Variants in STARD3NL observed in about 807,000 individuals in gnomAD.
STARD3NL encodes the protein STARD3 N-terminal like, also known as STARD3 N-terminal-like protein.
Under a neutral mutation model 30.9 loss-of-function variants are expected in STARD3NL, and 17 were observed. The observed-to-expected ratio is 0.55, with a 90% CI of 0.38 to 0.82. The LOEUF (loss-of-function observed/expected upper bound fraction) is 0.82, where lower values mean the gene tolerates loss of function less well. Among genes scored for constraint, STARD3NL ranks in the 40% least tolerant of loss-of-function variants. The probability of loss-of-function intolerance (pLI) is 0.00; values close to 1 mark genes in which losing one functional copy is unlikely to be tolerated. For missense variants in STARD3NL, 234 were observed against 277.6 expected, an observed-to-expected ratio of 0.84 and a Z score of 1.12; for synonymous variants, 112 against 100.5, an observed-to-expected ratio of 1.11 and a Z score of -0.69.
In STARD3NL at chr7:38,188,046, T is replaced by C. The variant is rs549738793; in HGVS notation, c.-59+9626T>C. 5.9e-5 allele frequency among the ~76,000 whole-genome samples: 9 copies of C among 152,346 alleles called. No homozygotes were observed. In the South Asian group the frequency reaches 1.7e-3, roughly 28 times the overall value. On this transcript the variant is annotated intron_variant, in intron 1 of 8. Transcript: ENST00000009041. ...AGTACGTCATCTCTCTCCTGAATTA[T>C]TGCTGCTGTCTCCTAACTGGTTTCC...
chr7:38,203,070 T>G (rs570419668), intron 1 of STARD3NL, among the ~76,000 whole-genome samples: 19 of 152,148 alleles, frequency 1.2e-4, no homozygotes, highest in Non-Finnish European at 2.5e-4. Context: ...CAGGATATTA[T>G]CCAGGAGAAC....
At chr7:38,222,830 T>G (rs1290315558) in intron 7 of STARD3NL, among the ~76,000 whole-genome samples, 1 of 152,174 alleles carries the variant, frequency 6.6e-6, no homozygotes, top group Non-Finnish European at 1.5e-5. Flanking sequence ...TGGACTACCT[T>G]ATTATATTTG....
At chr7:38,184,646 A>T (rs1784383406) in intron 1 of STARD3NL, among the ~76,000 whole-genome samples, 2 of 144,540 alleles carry the variant, frequency 1.4e-5, no homozygotes, top group Non-Finnish European at 3.0e-5. Flanking sequence ...TATATAGTAT[A>T]TAACCGATAT....
intron 1 of STARD3NL, among the ~76,000 whole-genome samples, chr7:38,205,088 A>G (rs1156693391): frequency 6.6e-6 from 1 of 152,228 alleles, no homozygotes; most frequent in African/African-American, 2.4e-5. Context: ...TCCTTCTGAA[A>G]CTATTCCAAT....
chr7:38,189,340 A>G (rs1784590027), intron 1 of STARD3NL, among the ~76,000 whole-genome samples: 1 of 152,218 alleles, frequency 6.6e-6, no homozygotes, highest in South Asian at 2.1e-4. Flanking sequence ...CATAAAGAAA[A>G]GTAAGGAGAG....
At chr7:38,226,161 T>G (rs200958847) in intron 7 of STARD3NL, among the ~76,000 whole-genome samples, 14,016 of 148,434 alleles carry the variant, frequency 0.094, 732 homozygotes, top group Non-Finnish European at 0.11. Flanking sequence ...TGTTTTTTTT[T>G]TTTTTTTTTT....
rs1048681660 is a variant in STARD3NL, at chr7:38,187,098, G to T, written c.-59+8678G>T. 6.6e-5 allele frequency among the ~76,000 whole-genome samples: 10 copies of T among 152,094 alleles called. No individual in the cohort carries two copies. The South Asian group carries it at 2.1e-3, about 32-fold the overall frequency. On this transcript the variant is annotated intron_variant, in intron 1 of 8. Coordinates refer to ENST00000009041, the MANE Select transcript of STARD3NL (RefSeq NM_032016.4). ...GCCCATCTTGAGAGAGACTTGCGTTGAACGAGTGGTGAGACCCAGCTCCAA... is the reference window on the plus strand; with the variant it reads ...GCCCATCTTGAGAGAGACTTGCGTTTAACGAGTGGTGAGACCCAGCTCCAA...
At chr7:38,188,121 AT>A (rs1326870446) in intron 1 of STARD3NL, among the ~76,000 whole-genome samples, 1 of 151,982 alleles carries the variant, frequency 6.6e-6, no homozygotes, top group African/African-American at 2.4e-5. Context: ...AAGCTACATT[AT>A]TTTTCTCTTC....
chr7:38,182,661 G>A (rs528587191), intron 1 of STARD3NL, among the ~76,000 whole-genome samples: 3 of 152,264 alleles, frequency 2.0e-5, no homozygotes, highest in Admixed American at 6.5e-5. Flanking sequence ...ACCTGGATCC[G>A]GAAGATACCT....
intron 3 of STARD3NL, 118 bp from the exon 4 acceptor site, chr7:38,214,910 A>C: frequency 1.2e-6 from 1 of 854,268 alleles, no homozygotes; most frequent in South Asian, 1.6e-5. Context: ...GACCAGTGCC[A>C]GTCCCTGGTA....
At chr7:38,189,833 C>G (rs761663171) in intron 1 of STARD3NL, among the ~76,000 whole-genome samples, 1 of 152,108 alleles carries the variant, frequency 6.6e-6, no homozygotes, top group Admixed American at 6.5e-5. Flanking sequence ...TCCTTTAAGT[C>G]TATCAGTGCA....
intron 7 of STARD3NL, among the ~76,000 whole-genome samples, chr7:38,226,794 A>G (rs1000437193): frequency 6.6e-6 from 1 of 152,152 alleles, no homozygotes; most frequent in Non-Finnish European, 1.5e-5. Context: ...GGGCATGAGC[A>G]TGGCTCCCCA....
chr7:38,228,092 C>T (rs949533539), intron 7 of STARD3NL, among the ~76,000 whole-genome samples: 2 of 152,022 alleles, frequency 1.3e-5, no homozygotes, highest in African/African-American at 4.8e-5. Flanking sequence ...TACCTTACAG[C>T]GCATGCATTT....
At chr7:38,189,435 C>G (rs1784594090) in intron 1 of STARD3NL, among the ~76,000 whole-genome samples, 1 of 152,132 alleles carries the variant, frequency 6.6e-6, no homozygotes, top group Non-Finnish European at 1.5e-5. Context: ...GTGTCTGAGC[C>G]TTGGTAGGTG....
chr7:38,197,261 T>G (rs891636035), intron 1 of STARD3NL, among the ~76,000 whole-genome samples: 2 of 151,056 alleles, frequency 1.3e-5, no homozygotes, highest in Admixed American at 1.3e-4. Context: ...GGCCTTGCTC[T>G]GTCTCCCAAG....
intron 4 of STARD3NL, chr7:38,216,776 C>T (rs1258206744): frequency 1.4e-5 from 7 of 514,484 alleles, no homozygotes; most frequent in Non-Finnish European, 2.1e-5. Flanking sequence ...ACCTAGCACA[C>T]CAGCCTGCTG....
At chr7:38,197,981 T>C (rs1300693984) in intron 1 of STARD3NL, among the ~76,000 whole-genome samples, 1 of 152,216 alleles carries the variant, frequency 6.6e-6, no homozygotes, top group African/African-American at 2.4e-5. Flanking sequence ...GACAGCCAGC[T>C]CAGGCTGCTT....
chr7:38,189,889 C>G (rs889344161), intron 1 of STARD3NL, among the ~76,000 whole-genome samples: 24 of 152,116 alleles, frequency 1.6e-4, no homozygotes, highest in African/African-American at 5.6e-4. Context: ...GGTACGTGTA[C>G]AAAATTCATA....
chr7:38,199,307 A>T (rs529954836), intron 1 of STARD3NL, among the ~76,000 whole-genome samples: 3 of 152,230 alleles, frequency 2.0e-5, no homozygotes, highest in African/African-American at 7.2e-5. Context: ...CTGAAATGAC[A>T]TCTGGAAAAA....
Sources: gnomAD v4.1 joint callset for allele counts (sites outside exome capture counted in the v4.1 genomes callset) on GRCh38, gnomAD v4.1.1 for gene constraint, MANE v1.5 for transcripts, NCBI Gene and HGNC (gene_info 2026-07-23, HGNC 2026-07-21) for gene names.